Variants in ERP44 observed in about 807,000 individuals in gnomAD.
ERP44 encodes the protein endoplasmic reticulum protein 44.
In ERP44, 25 loss-of-function variants were observed where a neutral mutation model predicts 53.4. That is an observed-to-expected ratio of 0.47 (90% CI 0.34 to 0.65). The LOEUF (loss-of-function observed/expected upper bound fraction) is 0.65. ERP44 is among the 30% of genes least tolerant of loss of function. ERP44 has a pLI of 0.01. For missense variants in ERP44, 338 were observed against 493.2 expected (o/e 0.69, Z 2.98); for synonymous variants, 145 against 161.2 (o/e 0.90, Z 0.76).
intron 1 of ERP44, among the ~76,000 whole-genome samples, chr9:100,068,787 G>C (rs1826266006): frequency 6.6e-6 from 1 of 152,228 alleles, no homozygotes; most frequent in South Asian, 2.1e-4. Flanking sequence ...CGTCTGGGAG[G>C]TGTACCCAAC....
At chr9:99,986,248 G>A (rs1671840711) in intron 10 of ERP44, among the ~76,000 whole-genome samples, 1 of 152,140 alleles carries the variant, frequency 6.6e-6, no homozygotes, top group South Asian at 2.1e-4. Flanking sequence ...GTTCTTTAAA[G>A]TCTTGCCAAG....
At chr9:100,092,694 T>C (rs1177525681) in intron 1 of ERP44, among the ~76,000 whole-genome samples, 2 of 152,144 alleles carry the variant, frequency 1.3e-5, no homozygotes, top group East Asian at 1.9e-4. Context: ...AGAAGACACA[T>C]AACAAGAACC....
intron 8 of ERP44, among the ~76,000 whole-genome samples, chr9:100,008,632 C>T (rs10988942): frequency 0.015 from 2,227 of 152,282 alleles, 28 homozygotes; most frequent in Middle Eastern, 0.034. Context: ...ACCTATTTTA[C>T]AGGATTAAAA....
At chr9:100,024,152 TCAACAACAA>T (rs35674225) in intron 4 of ERP44, among the ~76,000 whole-genome samples, 2,294 of 149,414 alleles carry the variant, frequency 0.015, 38 homozygotes, top group African/African-American at 0.049. Context: ...AAACCCTGAC[TCAACAACAA>T]CAACAACAAC....
At chr9:100,042,480 G>A (rs947648617) in intron 4 of ERP44, among the ~76,000 whole-genome samples, 1 of 152,068 alleles carries the variant, frequency 6.6e-6, no homozygotes, top group Non-Finnish European at 1.5e-5. Flanking sequence ...TAGTACAATC[G>A]CTATGGAGAA....
intron 4 of ERP44, among the ~76,000 whole-genome samples, chr9:100,033,923 A>C (rs142355760): frequency 6.6e-6 from 1 of 152,358 alleles, no homozygotes; most frequent in East Asian, 1.9e-4. Context: ...CTCAAGTTAC[A>C]GAATATGGAT....
chr9:100,015,716 C>A (rs1352164384), intron 8 of ERP44, among the ~76,000 whole-genome samples: 1 of 152,192 alleles, frequency 6.6e-6, no homozygotes, highest in Non-Finnish European at 1.5e-5. Flanking sequence ...GCACCAGGGA[C>A]TGGTTTCATG....
intron 3 of ERP44, among the ~76,000 whole-genome samples, chr9:100,055,836 T>C (rs898277032): frequency 2.6e-5 from 4 of 152,216 alleles, no homozygotes; most frequent in African/African-American, 9.7e-5. Flanking sequence ...AGCTGCAGTA[T>C]TTTTAAGCAC....
intron 1 of ERP44, among the ~76,000 whole-genome samples, chr9:100,068,556 G>A (rs1341853528): frequency 2.2e-5 from 3 of 138,348 alleles, no homozygotes; most frequent in East Asian, 2.3e-4. Flanking sequence ...CCGCCCCGTC[G>A]GGGAGGGAGG....
intron 10 of ERP44, among the ~76,000 whole-genome samples, chr9:99,990,172 C>T (rs985765374): frequency 1.3e-5 from 2 of 152,128 alleles, no homozygotes; most frequent in African/African-American, 4.8e-5. Context: ...CAGAGAACAC[C>T]ACAAAGATAC....
intron 4 of ERP44, among the ~76,000 whole-genome samples, chr9:100,049,665 G>T (rs1409839501): frequency 6.6e-6 from 1 of 152,094 alleles, no homozygotes; most frequent in African/African-American, 2.4e-5. Flanking sequence ...CTATTAGTGG[G>T]TATATAAAAT....
intron 4 of ERP44, among the ~76,000 whole-genome samples, chr9:100,042,382 T>A (rs1391485540): frequency 6.6e-6 from 1 of 152,152 alleles, no homozygotes; most frequent in Non-Finnish European, 1.5e-5. Context: ...CCAGTTAATA[T>A]AGCTTTCATT....
intron 4 of ERP44, among the ~76,000 whole-genome samples, chr9:100,047,185 A>ATCCTGT (rs1362451724): frequency 1.3e-5 from 2 of 152,208 alleles, no homozygotes; most frequent in African/African-American, 4.8e-5. Flanking sequence ...ATCCTGTGTG[A>ATCCTGT]GGCAAAGACT....
At chr9:100,052,652 C>T in intron 3 of ERP44, 120 bp from the exon 4 acceptor site, 1 of 515,316 alleles carries the variant, frequency 1.9e-6, no homozygotes, top group East Asian at 3.4e-5. Flanking sequence ...GATAATCACA[C>T]ACTTAATTTA....
chr9:100,032,713 A>G (rs1409066131), intron 4 of ERP44, among the ~76,000 whole-genome samples: 1 of 152,216 alleles, frequency 6.6e-6, no homozygotes, highest in African/African-American at 2.4e-5. Context: ...CTGTCCTAAG[A>G]CTTTTTGGCA....
intron 4 of ERP44, among the ~76,000 whole-genome samples, chr9:100,041,372 A>C (rs1291353666): frequency 6.6e-6 from 1 of 152,166 alleles, no homozygotes; most frequent in Non-Finnish European, 1.5e-5. Flanking sequence ...TGATACTGGC[A>C]TAAAGAACAG....
chr9:99,999,193 G>A (rs1026287749), intron 10 of ERP44: 23 of 349,350 alleles, frequency 6.6e-5, no homozygotes, highest in Middle Eastern at 1.4e-3. Flanking sequence ...CTCCCCCTCC[G>A]CTCAAGGCCG....
chr9:100,061,697 G>A (rs1031178088), intron 1 of ERP44, among the ~76,000 whole-genome samples: 5 of 150,680 alleles, frequency 3.3e-5, no homozygotes, highest in East Asian at 1.9e-4. Flanking sequence ...TACCATTAAC[G>A]GTGTAGCCAA....
In ERP44 at chr9:100,098,961, G is replaced by A. The variant is rs926482724; in HGVS notation, c.-121C>T. 3.7e-5 allele frequency: 28 copies of A among 754,032 alleles called. No homozygotes were observed. The Admixed American group carries it at 4.8e-4, about 13-fold the overall frequency. 46.7% of individuals were successfully genotyped at this position (754,032 alleles called of 1,614,324 possible). ...GGCAGCGGAGGATTCTCCAGGCAGC[G>A]GCACCTCGTCCTCTCGACCCGGGCT... is the stretch of plus-strand genomic sequence containing the variant. On this transcript the variant is annotated 5_prime_UTR_variant, in exon 1 of 12. Transcript: ENST00000262455.
Sources: gnomAD v4.1 joint callset for allele counts (sites outside exome capture counted in the v4.1 genomes callset) on GRCh38, gnomAD v4.1.1 for gene constraint, MANE v1.5 for transcripts, NCBI Gene and HGNC (gene_info 2026-07-23, HGNC 2026-07-21) for gene names.